ALPK2: variants seen among roughly 807,000 people sequenced by gnomAD.
The protein encoded by ALPK2 is alpha kinase 2, also known as alpha-protein kinase 2.
ALPK2 carries 127 observed loss-of-function variants against 163.1 expected under a neutral mutation model. The observed-to-expected ratio is 0.78, with a 90% CI of 0.67 to 0.90. The LOEUF is 0.90. ALPK2 is among the 40% of genes least tolerant of loss of function. The probability of loss-of-function intolerance (pLI) is 0.00; values close to 1 mark genes in which losing one functional copy is unlikely to be tolerated. For synonymous variants in ALPK2, 953 were observed against 959.1 expected, an observed-to-expected ratio of 0.99 and a Z score of 0.12; for missense variants, 2,360 against 2,589.6, an observed-to-expected ratio of 0.91 and a Z score of 1.92.
chr18:58,535,526 C>G lies in ALPK2; in HGVS notation c.4661G>C (p.Gly1554Ala). The G allele has an allele frequency of 3.7e-6, 6 of 1,614,126 alleles. No homozygotes were observed. The highest frequency in any genetic ancestry group is 5.1e-6 in the Non-Finnish European group (6 of 1,179,996). ...CLPIMTHASL[G>A]VDTHNSTGQI... ...GCCTGTGGAGTTGTGCGTGTCAACCCCAAGAGAAGCGTGAGTCATTATTGG... is the reference window on the plus strand; with the variant it reads ...GCCTGTGGAGTTGTGCGTGTCAACCGCAAGAGAAGCGTGAGTCATTATTGG... The change falls in exon 5 of 13, where the codon GGG becomes GCG. Residue 1554 changes from glycine (G) to alanine (A), a missense_variant. Transcript: ENST00000361673.
intron 8 of ALPK2, among the ~76,000 whole-genome samples, chr18:58,520,134 A>G (rs749992377): frequency 1.6e-4 from 21 of 132,998 alleles, no homozygotes; most frequent in Non-Finnish European, 3.1e-4. Context: ...TCCATGAGAA[A>G]GAATCAAGAG....
chr18:58,516,851 T>C (rs2051524045), intron 9 of ALPK2, 57 bp downstream of exon 9: 4 of 1,568,400 alleles, frequency 2.6e-6, no homozygotes, highest in Non-Finnish European at 2.6e-6. Flanking sequence ...TTTCATCTCG[T>C]CTTATCATGG....
intron 10 of ALPK2, among the ~76,000 whole-genome samples, chr18:58,506,158 T>C (rs958491561): frequency 9.2e-5 from 14 of 152,060 alleles, no homozygotes; most frequent in African/African-American, 3.4e-4. Context: ...CAAATTTAAC[T>C]CTGCATTGGG....
At chr18:58,625,746 A>C (rs989391127) in intron 1 of ALPK2, among the ~76,000 whole-genome samples, 3 of 152,252 alleles carry the variant, frequency 2.0e-5, no homozygotes, top group Non-Finnish European at 4.4e-5. Flanking sequence ...CCAGGACATG[A>C]GGATTGCAGT....
chr18:58,577,950 T>C (rs540652239), intron 4 of ALPK2: 184 of 152,310 alleles, frequency 1.2e-3, no homozygotes, highest in African/African-American at 3.6e-3. Flanking sequence ...AAATAAGTTT[T>C]CTTAGGTATT....
chr18:58,624,783 G>A (rs780507418), intron 1 of ALPK2, among the ~76,000 whole-genome samples: 2 of 152,100 alleles, frequency 1.3e-5, no homozygotes, highest in Admixed American at 6.5e-5. Context: ...CTTCTAGAAG[G>A]CATACCCTCT....
intron 3 of ALPK2, among the ~76,000 whole-genome samples, chr18:58,603,642 G>A (rs185887544): frequency 1.3e-5 from 2 of 152,188 alleles, no homozygotes; most frequent in Non-Finnish European, 2.9e-5. Context: ...ATCTAAGTGC[G>A]GGTTCCTGGA....
At position 58,481,622 on chromosome 18, in the gene ALPK2, C is replaced by T. The variant is rs1401639791; in HGVS notation, c.*201G>A. On this transcript the variant is annotated 3_prime_UTR_variant, in exon 13 of 13. Transcript: ENST00000361673. ...ATCGTTGATTCAATCTCCCCATAAA[C>T]CTGGTCGCAAATCCTGTTCTGAAAT... The T allele has an allele frequency of 3.4e-6, 2 of 595,092 alleles. No individual in the cohort carries two copies. Among genetic ancestry groups the T allele is most frequent in the Admixed American group, 6.0e-5 (2 of 33,098 alleles). 36.9% of individuals were successfully genotyped at this position (595,092 alleles called of 1,614,324 possible). A position where few individuals can be genotyped will look rare whatever the true frequency, so the allele number is the denominator to read the frequency against.
At chr18:58,534,764 G>A in intron 5 of ALPK2, 70 bp downstream of exon 5, 2 of 1,521,514 alleles carry the variant, frequency 1.3e-6, no homozygotes, top group Non-Finnish European at 1.8e-6. Context: ...GGACCCTCGA[G>A]GACACAGGAA....
Position 58,481,782 on chromosome 18 carries a change from T to C in ALPK2, c.*41A>G, listed in dbSNP as rs767456166. ...GGCCTCAGATTTTCCCTGGCGAGAT[T>C]GTGTGCTGCTAGCCAGTGGCCATTA... On this transcript the variant is annotated 3_prime_UTR_variant, in exon 13 of 13. Transcript: ENST00000361673. 3.3e-6 allele frequency: 5 copies of C among 1,517,106 alleles called. No individual in the cohort carries two copies. Among genetic ancestry groups the C allele is most frequent in the Non-Finnish European group, 3.7e-6 (4 of 1,094,334 alleles). The allele number at this position is 1,517,106 out of a possible 1,614,324, so 94.0% of individuals were successfully genotyped here.
intron 5 of ALPK2, among the ~76,000 whole-genome samples, chr18:58,531,648 G>GAAAAAA (rs34960653): frequency 9.7e-6 from 1 of 103,578 alleles, no homozygotes; most frequent in Non-Finnish European, 1.9e-5. Context: ...GTGATAAGTT[G>GAAAAAA]AAAAAAAAAA....
chr18:58,612,515 C>G (rs2052138391), intron 1 of ALPK2, among the ~76,000 whole-genome samples: 2 of 152,172 alleles, frequency 1.3e-5, no homozygotes, highest in Non-Finnish European at 2.9e-5. Flanking sequence ...CTAATGTCTC[C>G]TACATTTTAC....
chr18:58,526,431 C>T (rs929558576), intron 6 of ALPK2, among the ~76,000 whole-genome samples: 3 of 152,196 alleles, frequency 2.0e-5, no homozygotes, highest in African/African-American at 7.2e-5. Flanking sequence ...TCCTCCCATC[C>T]CAGCAGCCAG....
intron 5 of ALPK2, among the ~76,000 whole-genome samples, chr18:58,533,643 A>G (rs1038069414): frequency 2.6e-5 from 4 of 151,792 alleles, no homozygotes; most frequent in East Asian, 1.9e-4. Flanking sequence ...TTTCGTAGAG[A>G]TGGGGTTTCG....
intron 8 of ALPK2, among the ~76,000 whole-genome samples, chr18:58,522,371 C>A (rs2051559558): frequency 6.6e-6 from 1 of 152,180 alleles, no homozygotes; most frequent in African/African-American, 2.4e-5. Context: ...TTTACCCCAG[C>A]ACACCACCAG....
At position 58,537,231 on chromosome 18, in the gene ALPK2, A is replaced by G; in HGVS notation, c.2956T>C (p.Trp986Arg). ...GCAGTTAATGTTGTTGGCTTCTCCC[A>G]AGGAAAACTCACAATTGAACTATAA... ...ASYSSIVSFP[W>R]EKPTTLTANN... is the part of the protein sequence containing the mutation. The change falls in exon 5 of 13, where the codon TGG becomes CGG. Residue 986 changes from tryptophan (W) to arginine (R), a missense_variant. By Grantham distance (101) the Trp-to-Arg change is moderately radical. Coordinates refer to ENST00000361673, the MANE Select transcript of ALPK2 (RefSeq NM_052947.4). The G allele has an allele frequency of 6.2e-7, 1 of 1,614,198 alleles. No homozygotes were observed. The highest frequency in any genetic ancestry group is 1.1e-5 in the South Asian group (1 of 91,084).
At chr18:58,586,452 G>A (rs1049841835) in intron 3 of ALPK2, among the ~76,000 whole-genome samples, 7 of 152,122 alleles carry the variant, frequency 4.6e-5, no homozygotes, top group African/African-American at 1.4e-4. Context: ...GAGAAAAATG[G>A]CTGAATCTCA....
At chr18:58,505,515 G>A (rs913149341) in intron 10 of ALPK2, among the ~76,000 whole-genome samples, 6 of 151,900 alleles carry the variant, frequency 3.9e-5, no homozygotes, top group South Asian at 2.1e-4. Context: ...CCTGGTCCCC[G>A]CCCCTCTCAA....
chr18:58,607,037 G>T (rs2052101696), intron 3 of ALPK2, among the ~76,000 whole-genome samples: 1 of 152,210 alleles, frequency 6.6e-6, no homozygotes, highest in South Asian at 2.1e-4. Context: ...AAGATGAAAT[G>T]AAAAGCTTAT....
Sources: gnomAD v4.1 joint callset for allele counts (sites outside exome capture counted in the v4.1 genomes callset) on GRCh38, gnomAD v4.1.1 for gene constraint, MANE v1.5 for transcripts, NCBI Gene and HGNC (gene_info 2026-07-23, HGNC 2026-07-21) for gene names.